The following CNTLN variants were observed in gnomAD, a reference collection of about 807,000 sequenced individuals.
The protein encoded by CNTLN is centlein.
CNTLN carries 212 observed loss-of-function variants against 180.0 expected under a neutral mutation model. The ratio of observed to expected loss-of-function variants is 1.18; its 90% CI spans 1.05 to 1.32. The LOEUF (loss-of-function observed/expected upper bound fraction) is 1.32, where lower values mean the gene tolerates loss of function less well. Ranked by LOEUF, CNTLN falls within the 40% of genes most tolerant of loss-of-function variation. The pLI, the probability that CNTLN is intolerant of heterozygous loss-of-function variation, is 0.00. For synonymous variants in CNTLN, 722 were observed against 563.1 expected, an observed-to-expected ratio of 1.28 and a Z score of -3.99; for missense variants, 2,095 against 1,610.9, an observed-to-expected ratio of 1.30 and a Z score of -5.14.
intron 7 of CNTLN, chr9:17,300,263 A>T (rs1237544910): frequency 6.6e-6 from 1 of 152,026 alleles, no homozygotes; most frequent in Non-Finnish European, 1.5e-5. Context: ...AATGTTTTGG[A>T]TTTTGGAGCA....
intron 12 of CNTLN, among the ~76,000 whole-genome samples, chr9:17,361,896 G>C (rs78123315): frequency 0.013 from 1,929 of 152,304 alleles, 19 homozygotes; most frequent in South Asian, 0.044. Flanking sequence ...CCTCATACCA[G>C]AGTATAAGAA....
At chr9:17,159,827 A>G (rs1819554181) in intron 2 of CNTLN, among the ~76,000 whole-genome samples, 1 of 152,138 alleles carries the variant, frequency 6.6e-6, no homozygotes, top group Non-Finnish European at 1.5e-5. Context: ...TTTCTTGGAT[A>G]GATGTTTCTT....
At chr9:17,336,485 G>C (rs1218219183) in intron 10 of CNTLN, among the ~76,000 whole-genome samples, 1 of 152,130 alleles carries the variant, frequency 6.6e-6, no homozygotes, top group Non-Finnish European at 1.5e-5. Flanking sequence ...TTTACACTTT[G>C]ACAGCAGCGT....
At chr9:17,387,887 G>A (rs1037379476) in intron 13 of CNTLN, among the ~76,000 whole-genome samples, 11 of 150,110 alleles carry the variant, frequency 7.3e-5, no homozygotes, top group African/African-American at 2.7e-4. Context: ...ATGAAAATAG[G>A]AATAAAAGTG....
chr9:17,336,040 C>A (rs1021189011), intron 10 of CNTLN, among the ~76,000 whole-genome samples: 2 of 151,966 alleles, frequency 1.3e-5, no homozygotes, highest in African/African-American at 4.8e-5. Context: ...TGATCTCATT[C>A]AGCACCTGCC....
chr9:17,328,069 G>A (rs1372283471), intron 8 of CNTLN, among the ~76,000 whole-genome samples: 2 of 152,076 alleles, frequency 1.3e-5, no homozygotes, highest in Non-Finnish European at 2.9e-5. Flanking sequence ...AAATCACACT[G>A]TAACATTTCA....
At chr9:17,255,421 T>C (rs1010204073) in intron 5 of CNTLN, among the ~76,000 whole-genome samples, 4 of 151,470 alleles carry the variant, frequency 2.6e-5, no homozygotes, top group African/African-American at 9.7e-5. Flanking sequence ...TTGTCAAATG[T>C]TTTTTCTGTA....
intron 13 of CNTLN, among the ~76,000 whole-genome samples, chr9:17,382,485 G>A (rs1825336544): frequency 6.6e-6 from 1 of 152,010 alleles, no homozygotes. Context: ...TCCAATAAAG[G>A]CAAAAACTTT....
intron 2 of CNTLN, among the ~76,000 whole-genome samples, chr9:17,156,187 C>G (rs1819275718): frequency 6.6e-6 from 1 of 152,154 alleles, no homozygotes. Flanking sequence ...CATCTTGAAT[C>G]TCAGTAGTGC....
At chr9:17,193,698 T>G (rs115177946) in intron 2 of CNTLN, among the ~76,000 whole-genome samples, 3,161 of 152,274 alleles carry the variant, frequency 0.021, 67 homozygotes, top group African/African-American at 0.056. Context: ...GTTGGTAGAT[T>G]ACCATTCTGG....
intron 23 of CNTLN, among the ~76,000 whole-genome samples, chr9:17,483,589 T>A (rs1832753820): frequency 6.6e-6 from 1 of 152,216 alleles, no homozygotes; most frequent in East Asian, 1.9e-4. Context: ...AAGCCATGTA[T>A]TGAAGCACTC....
chr9:17,337,907 T>G (rs1223263459), intron 10 of CNTLN, among the ~76,000 whole-genome samples: 1 of 152,160 alleles, frequency 6.6e-6, no homozygotes, highest in African/African-American at 2.4e-5. Flanking sequence ...ACAAAAAACT[T>G]TAGTCATTCC....
At chr9:17,526,548 A>G in the CNTLN span, among the ~76,000 whole-genome samples, 1 of 152,216 alleles carries the variant, frequency 6.6e-6, no homozygotes, top group Non-Finnish European at 1.5e-5. Flanking sequence ...GACTGATACA[A>G]TAAGTGTGCA....
chr9:17,173,726 G>C (rs141038001), intron 2 of CNTLN, among the ~76,000 whole-genome samples: 3 of 152,240 alleles, frequency 2.0e-5, no homozygotes, highest in Non-Finnish European at 4.4e-5. Context: ...ATTGATTTTA[G>C]GGTCAGCGAT....
At chr9:17,263,567 A>T (rs1002035008) in intron 5 of CNTLN, among the ~76,000 whole-genome samples, 2 of 151,298 alleles carry the variant, frequency 1.3e-5, no homozygotes, top group African/African-American at 4.9e-5. Context: ...CAGTAATGGG[A>T]TGGCTGGGTC....
At chr9:17,205,575 G>A (rs548545325) in intron 2 of CNTLN, among the ~76,000 whole-genome samples, 6 of 152,308 alleles carry the variant, frequency 3.9e-5, no homozygotes, top group African/African-American at 1.4e-4. Context: ...GATGAAGGAA[G>A]CGGTGGGAGC....
At chr9:17,508,377 A>C (rs1200014092), downstream of CNTLN, among the ~76,000 whole-genome samples, 1 of 152,216 alleles carries the variant, frequency 6.6e-6, no homozygotes, top group Non-Finnish European at 1.5e-5. Context: ...CCAAACCAGG[A>C]AGATGGCATT....
intron 12 of CNTLN, among the ~76,000 whole-genome samples, chr9:17,364,405 T>C (rs1036521332): frequency 4.6e-5 from 7 of 152,168 alleles, no homozygotes; most frequent in African/African-American, 1.7e-4. Context: ...AAATTTCTGG[T>C]ATTATGTTAT....
intron 2 of CNTLN, among the ~76,000 whole-genome samples, chr9:17,145,626 C>T (rs1818404150): frequency 6.6e-6 from 1 of 152,180 alleles, no homozygotes; most frequent in Admixed American, 6.5e-5. Flanking sequence ...CTTTGTCAGA[C>T]ATTTGTATAA....
Sources: allele counts gnomAD v4.1 joint callset (sites outside exome capture counted in the v4.1 genomes callset), GRCh38; gene constraint gnomAD v4.1.1; transcripts MANE v1.5; gene names NCBI Gene and HGNC (gene_info 2026-07-23, HGNC 2026-07-21).